Variants in COL2A1 observed in about 807,000 individuals in gnomAD.
COL2A1 encodes the protein collagen type II alpha 1 chain.
COL2A1 carries 28 observed loss-of-function variants against 204.5 expected under a neutral mutation model. The ratio of observed to expected loss-of-function variants is 0.14; its 90% CI spans 0.10 to 0.19. The LOEUF is 0.19. Ranked by LOEUF, COL2A1 falls within the 10% of genes least tolerant of loss-of-function variation. COL2A1 has a pLI of 1.00. For synonymous variants in COL2A1, 708 were observed against 718.7 expected (o/e 0.99, Z 0.24); for missense variants, 1,388 against 2,027.5 (o/e 0.68, Z 6.06).
chr12:47,986,534 A>T, intron 22 of COL2A1, 91 bp from the exon 23 acceptor site: 1 of 841,738 alleles, frequency 1.2e-6, no homozygotes, highest in Non-Finnish European at 1.9e-6. Context: ...TAGCCTTGGC[A>T]ACTGTTTCAG....
chr12:47,981,536 C>T, intron 36 of COL2A1, 140 bp from the exon 37 acceptor site: 1 of 903,512 alleles, frequency 1.1e-6, no homozygotes, highest in East Asian at 2.6e-5. Flanking sequence ...ACTGTGCAGC[C>T]CATACCCGCA....
chr12:47,985,752 T>G lies in COL2A1; in HGVS notation c.1656A>C (p.Gly552=). 6.2e-7 allele frequency: 1 copy of G among 1,613,892 alleles called. No homozygotes were observed. Among genetic ancestry groups the G allele is most frequent in the East Asian group, 2.2e-5 (1 of 44,864 alleles). The change falls in exon 25 of 54, where the codon GGA becomes GGC. Residue 552 remains glycine (G), a synonymous_variant. Coordinates refer to ENST00000380518, the MANE Select transcript of COL2A1 (RefSeq NM_001844.5). ...KGANGDPGRP[G]EPGLPGARGL... is the part of the protein sequence containing the mutation. Reference sequence around the variant, plus strand: ...CCCGGGCTCCAGGAAGGCCAGGTTCTCCAGGACGGCCAGGGTCACCGTTGG... The same window carrying G: ...CCCGGGCTCCAGGAAGGCCAGGTTCGCCAGGACGGCCAGGGTCACCGTTGG...
In COL2A1 at chr12:47,973,506, C is replaced by T; in HGVS notation, c.4365G>A (p.Gln1455=). ...WGKTVIEYRS[Q]KTSRLPIIDI... ...CAATGATGGGGAGGCGTGAGGTCTT[C>T]TGTGACCGGTACTCGATAACAGTCT... The change falls in exon 54 of 54, where the codon CAG becomes CAA. Residue 1455 remains glutamine, a synonymous_variant. Transcript: ENST00000380518. 1 of 1,614,144 alleles carries T rather than the reference C, an allele frequency of 6.2e-7. No homozygotes were observed. The highest frequency in any genetic ancestry group is 8.5e-7 in the Non-Finnish European group (1 of 1,180,036).
rs58783688 is a variant in COL2A1, at chr12:47,980,156, G to A, written c.2626-94C>T. 6,292 of 1,171,848 alleles carry A rather than the reference G, an allele frequency of 5.4e-3. 284 individuals are homozygous for A. The African/African-American group carries it at 0.083, about 15-fold the overall frequency. 72.6% of individuals were successfully genotyped at this position (1,171,848 alleles called of 1,614,324 possible). A position where few individuals can be genotyped will look rare whatever the true frequency, so the allele number is the denominator to read the frequency against. ...CCAACAATGGACCCCTGAGGTTTTC[G>A]AAGATGCAGCTTTCTTGGCACTAAA... On this transcript the variant is annotated intron_variant, in intron 39 of 53. Transcript: ENST00000380518. This position sits in a 1 kb window ranked among gnomAD's most constrained non-coding sequence, Gnocchi z 4.5.
chr12:48,001,225 G>C (rs1940217275), intron 1 of COL2A1: 1 of 150,846 alleles, frequency 6.6e-6, no homozygotes, highest in Non-Finnish European at 1.5e-5. Flanking sequence ...AGCAGCAGGG[G>C]ATGAATAATA....
At chr12:47,985,140 T>A in intron 26 of COL2A1, 47 bp from the exon 27 acceptor site, 1 of 1,486,882 alleles carries the variant, frequency 6.7e-7, no homozygotes, top group Non-Finnish European at 9.3e-7. Context: ...TCTGACCACA[T>A]CCATCCACCC....
intron 50 of COL2A1, 103 bp from the exon 51 acceptor site, chr12:47,975,708 C>A: frequency 7.6e-7 from 1 of 1,317,442 alleles, no homozygotes. Context: ...TTCCCAGCCC[C>A]ATGGGTGGGG....
Position 47,978,888 on chromosome 12 carries a change from G to A in COL2A1, c.2734-130C>T, listed in dbSNP as rs768811866. 1.0e-6 allele frequency: 1 copy of A among 960,076 alleles called. No individual in the cohort carries two copies. Among genetic ancestry groups the A allele is most frequent in the South Asian group, 1.5e-5 (1 of 66,814 alleles). The allele number at this position is 960,076 out of a possible 1,614,324, so 59.5% of individuals were successfully genotyped here. ...TCTCTACCTCCCCACACTAAGGGCAGGCAGCTTAACCCCCCCAACCCCAAT... is the reference window on the plus strand; with the variant it reads ...TCTCTACCTCCCCACACTAAGGGCAAGCAGCTTAACCCCCCCAACCCCAAT... On this transcript the variant is annotated intron_variant, in intron 41 of 53. Coordinates refer to ENST00000380518, the MANE Select transcript of COL2A1 (RefSeq NM_001844.5). This position sits in a 1 kb window ranked among gnomAD's most constrained non-coding sequence, Gnocchi z 5.5.
Position 47,978,314 on chromosome 12 carries a change from A to G in COL2A1, c.2980T>C (p.Phe994Leu), listed in dbSNP as rs1050159062. ...ACCGACGGGCCAGGCAAGCCAGGGA[A>G]TCCTCTCTCACCACGTTGCCCAGGC... is the stretch of plus-strand genomic sequence containing the variant. ...GLPGQRGERG[F>L]PGLPGPSGEP... is the part of the protein sequence containing the mutation. Residue 994 changes from phenylalanine (F) to leucine (L), a missense_variant, in exon 43 of 54, where the codon TTC (phenylalanine) becomes CTC (leucine). Transcript: ENST00000380518. The surrounding 1 kb of genome is among the most constrained non-coding windows in gnomAD (Gnocchi z 5.5). 9 of 1,613,864 alleles carry G rather than the reference A, an allele frequency of 5.6e-6. No individual in the cohort carries two copies. Among genetic ancestry groups the G allele is most frequent in the Non-Finnish European group, 7.6e-6 (9 of 1,180,020 alleles).
intron 22 of COL2A1, 87 bp from the exon 23 acceptor site, chr12:47,986,530 T>TGCCAA: frequency 1.3e-6 from 1 of 768,264 alleles, no homozygotes; most frequent in South Asian, 1.5e-5. Context: ...GAAGTAGCCT[T>TGCCAA]GGCAACTGTT....
chr12:47,977,586 C>T lies in COL2A1; in HGVS notation c.3165+14G>A, dbSNP rs371697518. 6.8e-6 allele frequency: 11 copies of T among 1,613,930 alleles called. No homozygotes were observed. The African/African-American group carries it at 1.3e-4, about 20-fold the overall frequency. On this transcript the variant is annotated intron_variant, in intron 45 of 53. Coordinates refer to ENST00000380518, the MANE Select transcript of COL2A1 (RefSeq NM_001844.5). Reference sequence around the variant, plus strand: ...CTCCCCAACCCACTGCACACACAGACACCAGACACTCACCTTGACTCCAGC... The same window carrying T: ...CTCCCCAACCCACTGCACACACAGATACCAGACACTCACCTTGACTCCAGC...
At chr12:47,975,284 C>T (rs774190623) in intron 51 of COL2A1, 33 bp downstream of exon 51, 2 of 1,612,366 alleles carry the variant, frequency 1.2e-6, no homozygotes, top group South Asian at 1.1e-5. Flanking sequence ...CTCCCTGCTT[C>T]CCGGGGCAGG....
chr12:47,986,730 G>C (rs946609582), intron 22 of COL2A1, 105 bp downstream of exon 22: 2 of 1,307,090 alleles, frequency 1.5e-6, no homozygotes, highest in African/African-American at 2.9e-5. Context: ...GACCCAGATT[G>C]GGGGATAGAG....
Position 47,974,763 on chromosome 12 carries a change from G to A in COL2A1, c.3986C>T (p.Ala1329Val), listed in dbSNP as rs1326301441. 1 of 1,614,190 alleles carries A rather than the reference G, an allele frequency of 6.2e-7. No individual in the cohort carries two copies. The highest frequency in any genetic ancestry group is 1.7e-5 in the Admixed American group (1 of 60,024). The change falls in exon 52 of 54, where the codon GCA (alanine) becomes GTA (valine). Residue 1329 changes from alanine to valine, a missense_variant. Physicochemically the swap from Ala to Val is moderately conservative, Grantham distance 64. Around this residue, in one of 3 missense-constraint regions of COL2A1, gnomAD observed 303 missense variants for 369.2 expected, o/e 0.82. Coordinates refer to ENST00000380518, the MANE Select transcript of COL2A1 (RefSeq NM_001844.5). The part of the protein sequence containing the change: ...TGETCVYPNP[A>V]NVPKKNWWSS... The stretch of plus-strand genomic sequence containing the variant: ...CCACCAGTTCTTCTTGGGAACGTTT[G>A]CTGGATTGGGGTAGACGCAAGTCTC...
rs1408196173 is a variant in COL2A1, at chr12:47,982,858, T to A, written c.2183A>T (p.Asp728Val). 6.2e-7 allele frequency: 1 copy of A among 1,611,278 alleles called. No homozygotes were observed. Among genetic ancestry groups the A allele is most frequent in the Non-Finnish European group, 8.5e-7 (1 of 1,179,708 alleles). Residue 728 changes from aspartate to valine, a missense_variant, in exon 33 of 54, where the codon GAT becomes GTT. Physicochemically the swap from Asp to Val is radical, Grantham distance 152. Around this residue, in one of 3 missense-constraint regions of COL2A1, gnomAD observed 884 missense variants for 1,415.8 expected, o/e 0.62. Transcript: ENST00000380518. ...TGCAGCCTCACTTACTTTGGGACCA[T>A]CAGTGCCAGGAGTGCCGGGGAGGCC... is the stretch of plus-strand genomic sequence containing the variant. ...PRGLPGTPGT[D>V]GPKGASGPAG... is the part of the protein sequence containing the mutation.
At chr12:48,004,092 G>C in intron 1 of COL2A1, 145 bp downstream of exon 1, 1 of 677,248 alleles carries the variant, frequency 1.5e-6, no homozygotes, top group Non-Finnish European at 2.7e-6. Context: ...ACTTCTGCGT[G>C]TCCTGTGCCT....
rs1287770705 is a variant in COL2A1 at position 47,999,983 on chromosome 12, G to A, written c.228C>T (p.Leu76=). 3 of 1,614,222 alleles carry A rather than the reference G, an allele frequency of 1.9e-6. No homozygotes were observed. Among genetic ancestry groups the A allele is most frequent in the Middle Eastern group, 1.6e-4 (1 of 6,062 alleles). The change falls in exon 2 of 54, where the codon CTC becomes CTT. Residue 76 remains leucine, a synonymous_variant. Transcript: ENST00000380518. ...ACTCTCCGAAGGGGATCTCAGGGCT[G>A]AGGCAGTCTTTCACGTCTTCACAGA... The part of the protein sequence containing the change: ...DIICEDVKDC[L]SPEIPFGECC...
At chr12:48,004,532 G>C, upstream of COL2A1, 1 of 497,480 alleles carries the variant, frequency 2.0e-6, no homozygotes, top group Admixed American at 3.8e-5. Flanking sequence ...CGAGGCTGGC[G>C]AACTCGCCCA....
At chr12:47,983,322 C>G (rs1939200130) in intron 31 of COL2A1, 63 bp downstream of exon 31, 1 of 1,577,156 alleles carries the variant, frequency 6.3e-7, no homozygotes, top group African/African-American at 1.3e-5. Context: ...CCCTTGCCTC[C>G]TAGGCATCAG....
Sources: allele counts gnomAD v4.1 joint callset, GRCh38; gene constraint gnomAD v4.1.1; regional missense constraint gnomAD v4.1.1; non-coding constraint Gnocchi (gnomAD v3.1); transcripts MANE v1.5; gene names NCBI Gene and HGNC (gene_info 2026-07-23, HGNC 2026-07-21).